ADAMTSL1: variants seen among roughly 807,000 people sequenced by gnomAD.
ADAMTSL1 encodes the protein ADAMTS like 1, also known as ADAMTS-like protein 1.
ADAMTSL1 carries 126 observed loss-of-function variants against 201.8 expected under a neutral mutation model. That is an observed-to-expected ratio of 0.62 (90% CI 0.54 to 0.72). ADAMTSL1 has a LOEUF of 0.72. ADAMTSL1 is among the 30% of genes least tolerant of loss of function. The pLI is 0.00. For synonymous variants in ADAMTSL1, 1,121 were observed against 903.4 expected (o/e 1.24, Z -4.32); for missense variants, 2,679 against 2,277.8 (o/e 1.18, Z -3.59).
At chr9:17,942,985 G>A (rs1470740912) in intron 1 of ADAMTSL1, among the ~76,000 whole-genome samples, 1 of 152,090 alleles carries the variant, frequency 6.6e-6, no homozygotes. Context: ...GCAGTGACAG[G>A]ATCATGGCTT....
At position 18,104,367 on chromosome 9, in the gene ADAMTSL1, C is replaced by T. The variant is rs527800161; in HGVS notation, c.88-59495C>T. 1.4e-4 allele frequency among the ~76,000 whole-genome samples: 21 copies of T among 152,232 alleles called. No homozygotes were observed. In the South Asian group the frequency reaches 3.9e-3, roughly 29 times the overall value. The stretch of plus-strand genomic sequence containing the variant: ...CGAAGTCAGGGATGAGCAATTCCAC[C>T]CTAATCACAAAGCCTTGGACTTGAT... On this transcript the variant is annotated intron_variant, in intron 1 of 29. Coordinates refer to the ADAMTSL1 transcript ENST00000680146.
intron 1 of ADAMTSL1, among the ~76,000 whole-genome samples, chr9:18,133,636 G>T (rs184306632): frequency 2.2e-3 from 339 of 152,154 alleles, no homozygotes; most frequent in Non-Finnish European, 3.9e-3. Flanking sequence ...CCCATTCAAG[G>T]TCTGATAGCC....
At chr9:18,351,480 G>A (rs1835962728) in intron 2 of ADAMTSL1, among the ~76,000 whole-genome samples, 1 of 151,874 alleles carries the variant, frequency 6.6e-6, no homozygotes, top group Non-Finnish European at 1.5e-5. Flanking sequence ...TGAGAGTATT[G>A]GGAAATGTGA....
intron 2 of ADAMTSL1, among the ~76,000 whole-genome samples, chr9:18,418,131 C>A (rs1371999301): frequency 2.0e-5 from 3 of 152,120 alleles, no homozygotes; most frequent in Non-Finnish European, 4.4e-5. Context: ...AAGCATTTAA[C>A]AAAACTCAAT....
chr9:18,873,920 A>C (rs1332036964), intron 23 of ADAMTSL1, among the ~76,000 whole-genome samples: 5 of 152,118 alleles, frequency 3.3e-5, no homozygotes, highest in African/African-American at 1.2e-4. Flanking sequence ...GATTCTACCC[A>C]TCCTTGAGCA....
At chr9:18,716,248 A>C (rs1832922267) in intron 14 of ADAMTSL1, among the ~76,000 whole-genome samples, 1 of 152,148 alleles carries the variant, frequency 6.6e-6, no homozygotes, top group Non-Finnish European at 1.5e-5. Context: ...GGATCTAATT[A>C]AACTAAAGAG....
intron 2 of ADAMTSL1, among the ~76,000 whole-genome samples, chr9:18,233,921 G>GTCTT (rs1440633388): frequency 6.6e-6 from 1 of 152,194 alleles, no homozygotes; most frequent in East Asian, 1.9e-4. Context: ...AGTCCTTGAA[G>GTCTT]TCTTTTAAGA....
At chr9:18,350,260 G>A (rs1321594213) in intron 2 of ADAMTSL1, among the ~76,000 whole-genome samples, 1 of 152,034 alleles carries the variant, frequency 6.6e-6, no homozygotes, top group African/African-American at 2.4e-5. Flanking sequence ...GTGCACCTCG[G>A]AACAATGGCT....
At chr9:18,656,911 G>C (rs1828720445) in intron 7 of ADAMTSL1, among the ~76,000 whole-genome samples, 1 of 151,410 alleles carries the variant, frequency 6.6e-6, no homozygotes, top group South Asian at 2.1e-4. Flanking sequence ...AACCATTAAG[G>C]ACTTGTCTCA....
intron 5 of ADAMTSL1, among the ~76,000 whole-genome samples, chr9:18,629,810 GA>G (rs201552990): frequency 2.0e-5 from 3 of 152,076 alleles, no homozygotes; most frequent in Admixed American, 2.0e-4. Context: ...GTATGGAATT[GA>G]ATATATTTAT....
chr9:18,636,590 T>C (rs1827126970), intron 6 of ADAMTSL1, among the ~76,000 whole-genome samples: 1 of 152,166 alleles, frequency 6.6e-6, no homozygotes, highest in South Asian at 2.1e-4. Context: ...TGAATGGTAA[T>C]CATAACCCCA....
chr9:18,630,217 C>T (rs560395644), intron 5 of ADAMTSL1, among the ~76,000 whole-genome samples: 11 of 152,200 alleles, frequency 7.2e-5, no homozygotes, highest in African/African-American at 2.4e-4. Context: ...TTTACTGAGG[C>T]GGGACCTTTC....
intron 2 of ADAMTSL1, among the ~76,000 whole-genome samples, chr9:18,416,382 A>AT (rs1438853885): frequency 2.0e-5 from 3 of 150,264 alleles, no homozygotes; most frequent in African/African-American, 7.3e-5. Flanking sequence ...AAATGGAATT[A>AT]TAAAAAAATT....
intron 1 of ADAMTSL1, among the ~76,000 whole-genome samples, chr9:18,137,932 A>T (rs565612015): frequency 1.3e-4 from 20 of 152,264 alleles, no homozygotes; most frequent in Non-Finnish European, 2.2e-4. Flanking sequence ...AGGGAGAGTT[A>T]TTCTTATTGT....
At chr9:17,957,058 A>G (rs146111272) in intron 1 of ADAMTSL1, among the ~76,000 whole-genome samples, 1 of 152,300 alleles carries the variant, frequency 6.6e-6, no homozygotes, top group African/African-American at 2.4e-5. Flanking sequence ...GATTTTCATG[A>G]TTTAGAAAAC....
chr9:18,088,966 C>G (rs1823887351), intron 1 of ADAMTSL1, among the ~76,000 whole-genome samples: 1 of 152,028 alleles, frequency 6.6e-6, no homozygotes, highest in Non-Finnish European at 1.5e-5. Flanking sequence ...TTATAATAAA[C>G]AAGGTATGGA....
chr9:18,761,537 A>C (rs1467231332), intron 16 of ADAMTSL1, among the ~76,000 whole-genome samples: 1 of 152,144 alleles, frequency 6.6e-6, no homozygotes, highest in African/African-American at 2.4e-5. Flanking sequence ...CTGGAGATTT[A>C]TCTCTTCATA....
chr9:18,525,768 T>G (rs1265279687), intron 2 of ADAMTSL1, among the ~76,000 whole-genome samples: 1 of 152,252 alleles, frequency 6.6e-6, no homozygotes, highest in Non-Finnish European at 1.5e-5. Context: ...GTGAGTTTCT[T>G]AATCCTGAGG....
At chr9:18,905,490 A>C in intron 26 of ADAMTSL1, 1 of 390,066 alleles carries the variant, frequency 2.6e-6, no homozygotes, top group East Asian at 4.9e-5. Flanking sequence ...ATTATGCCAA[A>C]ATATCTTTCA....
Sources: allele counts gnomAD v4.1 joint callset (sites outside exome capture counted in the v4.1 genomes callset), GRCh38; gene constraint gnomAD v4.1.1; transcripts MANE v1.5; gene names NCBI Gene and HGNC (gene_info 2026-07-23, HGNC 2026-07-21).